DGKB: variants seen among roughly 807,000 people sequenced by gnomAD.
DGKB encodes diacylglycerol kinase beta.
DGKB carries 67 observed loss-of-function variants against 114.3 expected under a neutral mutation model. That is an observed-to-expected ratio of 0.59 (90% CI 0.48 to 0.72). The LOEUF is 0.72. DGKB is among the 30% of genes least tolerant of loss of function. The pLI is 0.00. For synonymous variants in DGKB, 398 were observed against 323.1 expected (o/e 1.23, Z -2.49); for missense variants, 907 against 975.2 (o/e 0.93, Z 0.93).
chr7:14,162,923 C>T (rs1253120956), intron 25 of DGKB, among the ~76,000 whole-genome samples: 2 of 152,004 alleles, frequency 1.3e-5, no homozygotes, highest in Non-Finnish European at 2.9e-5. Context: ...TTATCCAGGT[C>T]GATTTGTGCA....
chr7:14,561,702 C>T (rs1471098379), intron 20 of DGKB, among the ~76,000 whole-genome samples: 1 of 152,102 alleles, frequency 6.6e-6, no homozygotes, highest in Non-Finnish European at 1.5e-5. Flanking sequence ...ATCTGTGGGG[C>T]TTTGAACTTG....
In DGKB at chr7:14,481,484, TTAAA is replaced by T. The variant is rs1782981168; in HGVS notation, c.1771-3263_1771-3260del. Among the ~76,000 whole-genome samples, 6 of 152,056 alleles carry T rather than the reference TTAAA, an allele frequency of 3.9e-5. No homozygotes were observed. The South Asian group carries it at 1.2e-3, about 31-fold the overall frequency. Reference sequence around the variant, plus strand: ...TCATCAATATTATCTTTTATTCTGTTTAAATAATCTTTCTCTCACAAATAGTTTC... The same window carrying T: ...TCATCAATATTATCTTTTATTCTGTTTAATCTTTCTCTCACAAATAGTTTC... On this transcript the variant is annotated intron_variant, in intron 20 of 25. Transcript: ENST00000402815.
chr7:14,973,042 C>G (rs574711456), intron 1 of DGKB, among the ~76,000 whole-genome samples: 2 of 152,012 alleles, frequency 1.3e-5, no homozygotes, highest in South Asian at 4.2e-4. Context: ...ACAATATGCT[C>G]TGCTAAAGGC....
intron 23 of DGKB, among the ~76,000 whole-genome samples, chr7:14,317,116 G>A (rs1477651463): frequency 3.9e-5 from 3 of 76,948 alleles, no homozygotes; most frequent in African/African-American, 1.3e-4. Context: ...AATAAATTAG[G>A]TATTGATGGG....
At chr7:14,237,453 T>C (rs1792975414) in intron 23 of DGKB, among the ~76,000 whole-genome samples, 1 of 151,926 alleles carries the variant, frequency 6.6e-6, no homozygotes, top group East Asian at 1.9e-4. Context: ...TATTCTTTAA[T>C]GTAGTGTGTT....
intron 7 of DGKB, among the ~76,000 whole-genome samples, chr7:14,698,413 C>T (rs1293808128): frequency 1.3e-5 from 2 of 152,000 alleles, no homozygotes; most frequent in Non-Finnish European, 2.9e-5. Flanking sequence ...CACAACTTTA[C>T]AAAAAATACA....
At chr7:14,947,647 G>T (rs2128258302) in intron 1 of DGKB, among the ~76,000 whole-genome samples, 1 of 142,848 alleles carries the variant, frequency 7.0e-6, no homozygotes. Flanking sequence ...GTGTGTCTCT[G>T]TGTGTAGGTG....
At chr7:14,434,074 G>A (rs1353791841) in intron 21 of DGKB, among the ~76,000 whole-genome samples, 3 of 152,066 alleles carry the variant, frequency 2.0e-5, no homozygotes, top group African/African-American at 7.2e-5. Context: ...GATTAGTGAT[G>A]GTCAATCTCT....
intron 20 of DGKB, among the ~76,000 whole-genome samples, chr7:14,561,307 G>C (rs1796626794): frequency 6.6e-6 from 1 of 152,152 alleles, no homozygotes; most frequent in Non-Finnish European, 1.5e-5. Context: ...CTCCAGCCAT[G>C]TGAATCTGTG....
chr7:14,920,398 T>C (rs576987711), intron 1 of DGKB, among the ~76,000 whole-genome samples: 145 of 152,254 alleles, frequency 9.5e-4, no homozygotes, highest in Middle Eastern at 3.4e-3. Context: ...TGAAAATATA[T>C]AAAACATCAT....
rs1821618266 is a variant in DGKB, at chr7:14,685,990, CT to C, written c.712-629del. ...CAAATAGTATATTTTAAAAGGCAAA[CT>C]TTTTAAAGGATTTCATTATGTTACC... On this transcript the variant is annotated intron_variant, in intron 9 of 25. Coordinates refer to ENST00000402815, the MANE Select transcript of DGKB (RefSeq NM_001350709.2). Among the ~76,000 whole-genome samples, 2 of 151,962 alleles carry C rather than the reference CT, an allele frequency of 1.3e-5. 1 individual carries two copies. The highest frequency in any genetic ancestry group is 4.8e-5 in the African/African-American group (2 of 41,374).
intron 15 of DGKB, among the ~76,000 whole-genome samples, chr7:14,619,400 A>T (rs1341151020): frequency 6.6e-6 from 1 of 151,714 alleles, no homozygotes; most frequent in Non-Finnish European, 1.5e-5. Flanking sequence ...TAGAAAATAA[A>T]ATCAAACATA....
chr7:14,451,074 C>T (rs1187034498), intron 21 of DGKB, among the ~76,000 whole-genome samples: 1 of 152,016 alleles, frequency 6.6e-6, no homozygotes, highest in Non-Finnish European at 1.5e-5. Context: ...TAGAGACCAT[C>T]TGCCATCTGG....
At chr7:14,611,122 C>T (rs1805470490) in intron 16 of DGKB, among the ~76,000 whole-genome samples, 1 of 152,094 alleles carries the variant, frequency 6.6e-6, no homozygotes, top group Admixed American at 6.6e-5. Flanking sequence ...CATATAATAA[C>T]CTATAAAGAA....
chr7:14,762,467 A>G (rs1318475645), intron 2 of DGKB, among the ~76,000 whole-genome samples: 1 of 152,172 alleles, frequency 6.6e-6, no homozygotes, highest in African/African-American at 2.4e-5. Flanking sequence ...ATTTTTAACG[A>G]TTTTCAAGAA....
At chr7:14,682,396 C>T (rs920410221) in intron 12 of DGKB, among the ~76,000 whole-genome samples, 157 bp downstream of exon 12, 2 of 152,088 alleles carry the variant, frequency 1.3e-5, no homozygotes, top group African/African-American at 4.8e-5. Context: ...GACCCTGAGC[C>T]TATCTCTTTG....
chr7:14,172,597 G>C (rs986264870), intron 25 of DGKB, among the ~76,000 whole-genome samples: 2 of 152,090 alleles, frequency 1.3e-5, no homozygotes, highest in Non-Finnish European at 2.9e-5. Context: ...GTATGATAGA[G>C]GGAAGAATCG....
intron 20 of DGKB, among the ~76,000 whole-genome samples, chr7:14,536,416 A>G (rs1792506023): frequency 6.6e-6 from 1 of 152,164 alleles, no homozygotes; most frequent in East Asian, 1.9e-4. Context: ...TCATCAATAA[A>G]ATATTTAGCA....
intron 21 of DGKB, among the ~76,000 whole-genome samples, chr7:14,475,276 T>C (rs745429254): frequency 9.2e-5 from 14 of 152,178 alleles, no homozygotes; most frequent in Admixed American, 2.0e-4. Context: ...AAGTGTGCTA[T>C]GGCTGAGCCT....
Sources: allele counts gnomAD v4.1 joint callset (sites outside exome capture counted in the v4.1 genomes callset), GRCh38; gene constraint gnomAD v4.1.1; transcripts MANE v1.5; gene names NCBI Gene and HGNC (gene_info 2026-07-23, HGNC 2026-07-21).